The following ACRBP variants were observed in gnomAD, a reference collection of about 807,000 sequenced individuals.
ACRBP encodes the protein acrosin binding protein.
Under a neutral mutation model 69.0 loss-of-function variants are expected in ACRBP, and 52 were observed. The observed-to-expected ratio is 0.75, with a 90% CI of 0.60 to 0.95. The LOEUF (loss-of-function observed/expected upper bound fraction) is 0.95, where lower values mean the gene tolerates loss of function less well. Ranked by LOEUF, ACRBP falls within the 40% of genes least tolerant of loss-of-function variation. ACRBP has a pLI of 0.00. For missense variants in ACRBP, 604 were observed against 673.0 expected, an observed-to-expected ratio of 0.90 and a Z score of 1.13; for synonymous variants, 267 against 258.9, an observed-to-expected ratio of 1.03 and a Z score of -0.30.
At chr12:6,639,351 T>C (rs894921797) in intron 8 of ACRBP, among the ~76,000 whole-genome samples, 4 of 152,224 alleles carry the variant, frequency 2.6e-5, no homozygotes, top group Non-Finnish European at 5.9e-5. Flanking sequence ...GGGACCCGAT[T>C]AGTGGCCTGA....
At chr12:6,647,141 A>G (rs757999073) in intron 1 of ACRBP, 129 bp from the exon 2 acceptor site, 10 of 1,101,050 alleles carry the variant, frequency 9.1e-6, no homozygotes, top group South Asian at 1.4e-5. Flanking sequence ...GGGCGGGGGG[A>G]GTCTAGAGAC....
chr12:6,638,113 G>T lies in ACRBP; in HGVS notation c.*169C>A. On this transcript the variant is annotated 3_prime_UTR_variant, in exon 10 of 10. Coordinates refer to ENST00000229243, the MANE Select transcript of ACRBP (RefSeq NM_032489.3). ...TTTATGTAAAGTCATCTTTTAAGGAGGGCGCAGCTCCCACCGTGGCCCTCT... is the reference window on the plus strand; with the variant it reads ...TTTATGTAAAGTCATCTTTTAAGGATGGCGCAGCTCCCACCGTGGCCCTCT... 1.2e-6 allele frequency: 1 copy of T among 851,982 alleles called. No individual in the cohort carries two copies. Among genetic ancestry groups the T allele is most frequent in the East Asian group, 2.5e-5 (1 of 39,290 alleles). 52.8% of individuals were successfully genotyped at this position (851,982 alleles called of 1,614,324 possible). A position where few individuals can be genotyped will look rare whatever the true frequency, so the allele number is the denominator to read the frequency against.
At chr12:6,642,211 A>G (rs946985482) in intron 6 of ACRBP, among the ~76,000 whole-genome samples, 1 of 152,108 alleles carries the variant, frequency 6.6e-6, no homozygotes, top group Admixed American at 6.6e-5. Flanking sequence ...TATTGCACAT[A>G]CTGCTAACAT....
Position 6,640,533 on chromosome 12 carries a change from G to C in ACRBP, c.1078-11C>G. The C allele has an allele frequency of 1.9e-6, 3 of 1,611,888 alleles. 1 individual carries two copies. The South Asian group carries it at 3.3e-5, about 18-fold the overall frequency. ...AAGGCTGTCACAGACCTGGGGCAGGGGAATGGGTGAGGCTGAAGCTGAGAG... is the reference window on the plus strand; with the variant it reads ...AAGGCTGTCACAGACCTGGGGCAGGCGAATGGGTGAGGCTGAAGCTGAGAG... On this transcript the variant is annotated splice_polypyrimidine_tract_variant and intron_variant, in intron 6 of 9. Transcript: ENST00000229243. The surrounding 1 kb of genome is among the most constrained non-coding windows in gnomAD (Gnocchi z 5.3).
In ACRBP at chr12:6,639,001, A is replaced by G; in HGVS notation, c.1462T>C (p.Cys488Arg). 6.2e-7 allele frequency: 1 copy of G among 1,614,200 alleles called. No homozygotes were observed. The highest frequency in any genetic ancestry group is 1.7e-5 in the Admixed American group (1 of 60,032). ...DTDYIQYPNYCSFKSQQCLMR... is the reference protein window; with the variant it reads ...DTDYIQYPNYRSFKSQQCLMR... ...AGACACTGCTGGCTTTTGAAGGAAC[A>G]GTAGTTTGGGTACTGGATATAGTCT... Residue 488 changes from cysteine (C) to arginine (R), a missense_variant, in exon 9 of 10, where the codon TGT becomes CGT. Physicochemically the swap from Cys to Arg is radical, Grantham distance 180 (BLOSUM62 -3). Transcript: ENST00000229243.
At chr12:6,639,945 C>A in intron 8 of ACRBP, 115 bp downstream of exon 8, 2 of 1,321,558 alleles carry the variant, frequency 1.5e-6, no homozygotes, top group Non-Finnish European at 2.1e-6. Context: ...AGGACGGGTT[C>A]TCAGAAGCCA....
chr12:6,645,428 ATC>A (rs1949080705), intron 3 of ACRBP, 91 bp from the exon 4 acceptor site: 2 of 995,172 alleles, frequency 2.0e-6, no homozygotes, highest in Non-Finnish European at 3.2e-6. Context: ...AGCATGTCTT[ATC>A]TCTCAGTTTC....
chr12:6,645,149 A>G (rs1949078558), intron 4 of ACRBP, 71 bp downstream of exon 4: 1 of 1,209,724 alleles, frequency 8.3e-7, no homozygotes, highest in Non-Finnish European at 1.2e-6. Context: ...CCTGCCATGG[A>G]TGCCTTACGT....
At chr12:6,647,286 C>T in intron 1 of ACRBP, 38 bp downstream of exon 1, 1 of 1,539,574 alleles carries the variant, frequency 6.5e-7, no homozygotes. Flanking sequence ...GAGGACTAGC[C>T]CGGGGAGAGT....
intron 6 of ACRBP, among the ~76,000 whole-genome samples, chr12:6,642,842 T>C (rs867814358): frequency 6.9e-4 from 105 of 152,204 alleles, no homozygotes; most frequent in African/African-American, 2.5e-3. Flanking sequence ...TGAGGACACA[T>C]TGAGACTGGA....
chr12:6,643,971 T>C (rs1192841761), intron 5 of ACRBP, 166 bp downstream of exon 5: 1 of 1,367,956 alleles, frequency 7.3e-7, no homozygotes, highest in Non-Finnish European at 9.7e-7. Context: ...TGAGCAGTGC[T>C]TAAGCCAACA....
At position 6,643,529 on chromosome 12, in the gene ACRBP, G is replaced by A; in HGVS notation, c.1077+10C>T. 5 of 1,614,030 alleles carry A rather than the reference G, an allele frequency of 3.1e-6. No individual in the cohort carries two copies. The highest frequency in any genetic ancestry group is 3.4e-6 in the Non-Finnish European group (4 of 1,179,920). ...TGGCATGTATCCATTAGACAGTATG[G>A]CTGGCATACCGACTTCCCGAAACCA... is the stretch of plus-strand genomic sequence containing the variant. On this transcript the variant is annotated intron_variant, in intron 6 of 9. Transcript: ENST00000229243.
intron 2 of ACRBP, 99 bp from the exon 3 acceptor site, chr12:6,646,676 G>C (rs1240869579): frequency 2.7e-6 from 4 of 1,508,238 alleles, no homozygotes; most frequent in Non-Finnish European, 3.7e-6. Flanking sequence ...GAGAGTACGA[G>C]CTCATGGTGT....
At position 6,640,412 on chromosome 12, in the gene ACRBP, G is replaced by C. The variant is rs145271222; in HGVS notation, c.1188C>G (p.Cys396Trp). Reference sequence around the variant, plus strand: ...CAAAGGGAGTCTTGTGGGAGGTGTCGCATTGTTGCCGCTGCAGGCTGGCCT... The same window carrying C: ...CAAAGGGAGTCTTGTGGGAGGTGTCCCATTGTTGCCGCTGCAGGCTGGCCT... ...HSEASLQRQQ[C>W]DTSHKTPFVS... Residue 396 changes from cysteine (C) to tryptophan (W), a missense_variant, in exon 7 of 10, where the codon TGC becomes TGG. Physicochemically the swap from Cys to Trp is radical, Grantham distance 215. Around this residue, in one of 3 missense-constraint regions of ACRBP, gnomAD observed 532 missense variants for 562.9 expected, o/e 0.95. Transcript: ENST00000229243. This position sits in a 1 kb window ranked among gnomAD's most constrained non-coding sequence, Gnocchi z 5.3. The C allele has an allele frequency of 1.2e-6, 2 of 1,614,162 alleles. No individual in the cohort carries two copies.
rs1426021127 is a variant in ACRBP, at chr12:6,640,766, C to T, written c.1078-244G>A. Among the ~76,000 whole-genome samples, 1 of 152,112 alleles carries T rather than the reference C, an allele frequency of 6.6e-6. No individual in the cohort carries two copies. Among genetic ancestry groups the T allele is most frequent in the Non-Finnish European group, 1.5e-5 (1 of 68,030 alleles). On this transcript the variant is annotated intron_variant, in intron 6 of 9. Transcript: ENST00000229243. The surrounding 1 kb of genome is among the most constrained non-coding windows in gnomAD (Gnocchi z 5.3). Reference sequence around the variant, plus strand: ...GTAATCATCTATCTGCGAGTGACACCCAAATCTTTATCACCAGCTCTGATC... The same window carrying T: ...GTAATCATCTATCTGCGAGTGACACTCAAATCTTTATCACCAGCTCTGATC...
chr12:6,645,147 G>T lies in ACRBP; in HGVS notation c.475+73C>A, dbSNP rs11064298. The T allele has an allele frequency of 1.0e-3, 1,246 of 1,193,902 alleles. 13 individuals are homozygous for T. Among genetic ancestry groups the T allele is most frequent in the South Asian group, 8.4e-3 (637 of 75,672 alleles). The allele number at this position is 1,193,902 out of a possible 1,614,324, so 74.0% of individuals were successfully genotyped here. On this transcript the variant is annotated intron_variant, in intron 4 of 9. Transcript: ENST00000229243. ...AACATGCTTCCCATTTCCCTGCCAT[G>T]GATGCCTTACGTTGTGGGCTCTGGG...
chr12:6,646,330 T>C (rs763203584), intron 3 of ACRBP, among the ~76,000 whole-genome samples, 153 bp downstream of exon 3: 17 of 152,102 alleles, frequency 1.1e-4, no homozygotes, highest in Non-Finnish European at 1.5e-5. Context: ...AAGGTGAGAC[T>C]GTATTCATAT....
chr12:6,639,136 G>A (rs1949032937), intron 8 of ACRBP, 99 bp from the exon 9 acceptor site: 2 of 1,130,776 alleles, frequency 1.8e-6, no homozygotes, highest in South Asian at 2.6e-5. Context: ...GGGGCAGGGT[G>A]TGGCCCAAGA....
chr12:6,647,026 G>GA lies in ACRBP; in HGVS notation c.44-15dup, dbSNP rs1565393518. The GA allele has an allele frequency of 1.2e-6, 2 of 1,604,730 alleles. No individual in the cohort carries two copies. The highest frequency in any genetic ancestry group is 3.3e-5 in the Admixed American group (2 of 59,954). On this transcript the variant is annotated splice_polypyrimidine_tract_variant and intron_variant, in intron 1 of 9. Coordinates refer to ENST00000229243, the MANE Select transcript of ACRBP (RefSeq NM_032489.3). ...GCAGGAGCAGCACTGCGGAGCGGGCGAACGGATGATGGAAGGACCGAACCC... is the reference window on the plus strand; with the variant it reads ...GCAGGAGCAGCACTGCGGAGCGGGCGAAACGGATGATGGAAGGACCGAACCC...
Sources: gnomAD v4.1 joint callset for allele counts (sites outside exome capture counted in the v4.1 genomes callset) on GRCh38, gnomAD v4.1.1 for gene constraint, gnomAD v4.1.1 regional missense constraint, Gnocchi (gnomAD v3.1) non-coding constraint, MANE v1.5 for transcripts, NCBI Gene and HGNC (gene_info 2026-07-23, HGNC 2026-07-21) for gene names.